Variants in ACOX2 observed in about 807,000 individuals in gnomAD.
ACOX2 encodes acyl-CoA oxidase 2, also known as peroxisomal acyl-coenzyme A oxidase 2.
ACOX2 carries 59 observed loss-of-function variants against 77.5 expected under a neutral mutation model. The ratio of observed to expected loss-of-function variants is 0.76; its 90% CI spans 0.62 to 0.95. ACOX2 has a LOEUF of 0.95. ACOX2 is among the 40% of genes least tolerant of loss of function. ACOX2 has a pLI of 0.00. For missense variants in ACOX2, 837 were observed against 880.4 expected (o/e 0.95, Z 0.62); for synonymous variants, 317 against 340.1 (o/e 0.93, Z 0.75).
chr3:58,534,850 G>A lies in ACOX2; in HGVS notation c.160+97C>T. 1 of 1,562,600 alleles carries A rather than the reference G, an allele frequency of 6.4e-7. No individual in the cohort carries two copies. The highest frequency in any genetic ancestry group is 2.2e-5 in the East Asian group (1 of 44,470). On this transcript the variant is annotated intron_variant, in intron 2 of 14. Coordinates refer to ENST00000302819, the MANE Select transcript of ACOX2 (RefSeq NM_003500.4). The surrounding 1 kb of genome is among the most constrained non-coding windows in gnomAD (Gnocchi z 4.8). ...CTAACAGTGGAATTTCAAGGGCAAA[G>A]TTTGTTATTTGGAAGCAGAACTGCT... is the stretch of plus-strand genomic sequence containing the variant.
Position 58,526,381 on chromosome 3 carries a change from G to T in ACOX2, c.1346+85C>A. 1 of 1,424,148 alleles carries T rather than the reference G, an allele frequency of 7.0e-7. No individual in the cohort carries two copies. The highest frequency in any genetic ancestry group is 2.6e-5 in the Admixed American group (1 of 37,902). The allele number at this position is 1,424,148 out of a possible 1,614,324, so 88.2% of individuals were successfully genotyped here. ...CTTCGCAAAGCCTGCTCTTTTTATG[G>T]GCCTCAGACGGAACCCTCCACCCAA... On this transcript the variant is annotated intron_variant, in intron 10 of 14. Coordinates refer to ENST00000302819, the MANE Select transcript of ACOX2 (RefSeq NM_003500.4). This position sits in a 1 kb window ranked among gnomAD's most constrained non-coding sequence, Gnocchi z 4.3.
intron 7 of ACOX2, 148 bp from the exon 8 acceptor site, chr3:58,530,786 T>G: frequency 9.4e-7 from 1 of 1,061,858 alleles, no homozygotes; most frequent in Non-Finnish European, 1.4e-6. Context: ...ACCAGGCCAT[T>G]TCCCCAAGTG....
rs899291654 is a variant in ACOX2, at chr3:58,521,612, C to A, written c.1632+884G>T. 6.6e-6 allele frequency among the ~76,000 whole-genome samples: 1 copy of A among 152,214 alleles called. No individual in the cohort carries two copies. Among genetic ancestry groups the A allele is most frequent in the African/African-American group, 2.4e-5 (1 of 41,452 alleles). On this transcript the variant is annotated intron_variant, in intron 12 of 14. Transcript: ENST00000302819. The surrounding 1 kb of genome is among the most constrained non-coding windows in gnomAD (Gnocchi z 4.8). ...TTGCTCCCTTTCATTCCATCCTGGG[C>A]AACCTGCATGATTCTTCTAGAATGA...
rs1456712979 is a variant in ACOX2 at position 58,522,629 on chromosome 3, C to T, written c.1527-28G>A. ...GAAAGCCAAAGCAAAAAAGGTTCAG[C>T]TTCCTGACTGAGTGGAAAAGACAAC... On this transcript the variant is annotated intron_variant, in intron 11 of 14. Transcript: ENST00000302819. This position sits in a 1 kb window ranked among gnomAD's most constrained non-coding sequence, Gnocchi z 4.3. 3 of 1,604,980 alleles carry T rather than the reference C, an allele frequency of 1.9e-6. No homozygotes were observed. Among genetic ancestry groups the T allele is most frequent in the Admixed American group, 1.7e-5 (1 of 60,002 alleles).
chr3:58,518,596 G>A (rs1029854655), intron 12 of ACOX2, among the ~76,000 whole-genome samples: 3 of 152,178 alleles, frequency 2.0e-5, no homozygotes, highest in African/African-American at 7.2e-5. Context: ...AGTTCTATAA[G>A]GGAGAGCAAG....
chr3:58,529,674 C>G (rs1459540313), intron 8 of ACOX2, among the ~76,000 whole-genome samples: 2 of 152,226 alleles, frequency 1.3e-5, no homozygotes, highest in African/African-American at 2.4e-5. Flanking sequence ...CCAGAGAACT[C>G]TTGCAGCCCA....
In ACOX2 at chr3:58,535,090, T is replaced by G; in HGVS notation, c.17A>C (p.His6Pro). ...CCAGGTATCCCCCAATGACACTCGG[T>G]GCACTGGGCTGCCCATCCTATCCTG... MGSPVHRVSLGDTWSR... is the reference protein window; with the variant it reads MGSPVPRVSLGDTWSR... Residue 6 changes from histidine to proline, a missense_variant, in exon 2 of 15, where the codon CAC becomes CCC. Transcript: ENST00000302819. The surrounding 1 kb of genome is among the most constrained non-coding windows in gnomAD (Gnocchi z 4.8). The G allele has an allele frequency of 6.2e-7, 1 of 1,614,206 alleles. No individual in the cohort carries two copies. Among genetic ancestry groups the G allele is most frequent in the Non-Finnish European group, 8.5e-7 (1 of 1,180,036 alleles).
chr3:58,509,083 G>T lies in ACOX2; in HGVS notation c.1851-58C>A, dbSNP rs2063256598. On this transcript the variant is annotated intron_variant, in intron 13 of 14. Transcript: ENST00000302819. ...TAGATTGCTCTTATGAATCAAACTAGTCTTGGATGGTGAATAACAATACCT... is the reference window on the plus strand; with the variant it reads ...TAGATTGCTCTTATGAATCAAACTATTCTTGGATGGTGAATAACAATACCT... 4 of 1,562,426 alleles carry T rather than the reference G, an allele frequency of 2.6e-6. No homozygotes were observed. In the South Asian group the frequency reaches 4.5e-5, roughly 17 times the overall value.
intron 8 of ACOX2, among the ~76,000 whole-genome samples, chr3:58,530,074 C>T (rs1410594786): frequency 1.3e-5 from 2 of 152,242 alleles, no homozygotes. Context: ...CTCAGCCAGC[C>T]ATAGTCTGAT....
chr3:58,530,187 G>A (rs1378398430), intron 8 of ACOX2, among the ~76,000 whole-genome samples: 1 of 152,272 alleles, frequency 6.6e-6, no homozygotes, highest in Non-Finnish European at 1.5e-5. Flanking sequence ...TGGTGCTACA[G>A]GGCCAAAGAC....
In ACOX2 at chr3:58,522,322, TG is replaced by T. The variant is rs2063364168; in HGVS notation, c.1632+173del. Among the ~76,000 whole-genome samples, 1 of 152,242 alleles carries T rather than the reference TG, an allele frequency of 6.6e-6. No individual in the cohort carries two copies. The highest frequency in any genetic ancestry group is 6.5e-5 in the Admixed American group (1 of 15,280). ...CTAAGAGCTGCCAGCAAGATTGCTT[TG>T]GAGTTAAGTCCTTTAATTAAAATAC... On this transcript the variant is annotated intron_variant, in intron 12 of 14. Coordinates refer to ENST00000302819, the MANE Select transcript of ACOX2 (RefSeq NM_003500.4). This position sits in a 1 kb window ranked among gnomAD's most constrained non-coding sequence, Gnocchi z 4.3.
At position 58,512,089 on chromosome 3, in the gene ACOX2, T is replaced by C. The variant is rs1446384236; in HGVS notation, c.1851-3064A>G. On this transcript the variant is annotated intron_variant, in intron 13 of 14. Transcript: ENST00000302819. The surrounding 1 kb of genome is among the most constrained non-coding windows in gnomAD (Gnocchi z 4.8). ...CTGCTTACCAACATCTGTACTTGGA[T>C]TTCTGATAGGCTCTTCAAAAGTAAT... is the stretch of plus-strand genomic sequence containing the variant. 1.3e-5 allele frequency among the ~76,000 whole-genome samples: 2 copies of C among 152,330 alleles called. No individual in the cohort carries two copies. Among genetic ancestry groups the C allele is most frequent in the East Asian group, 3.9e-4 (2 of 5,194 alleles).
chr3:58,528,662 G>A lies in ACOX2; in HGVS notation c.1155+132C>T. 2 of 1,213,978 alleles carry A rather than the reference G, an allele frequency of 1.6e-6. No individual in the cohort carries two copies. The highest frequency in any genetic ancestry group is 2.2e-6 in the Non-Finnish European group (2 of 905,168). 75.2% of individuals were successfully genotyped at this position (1,213,978 alleles called of 1,614,324 possible). The stretch of plus-strand genomic sequence containing the variant: ...GGGTGCCGTTCACCCAGACGCCCTG[G>A]GATGCTGAAAGCTGGGAGAGGTGGG... On this transcript the variant is annotated intron_variant, in intron 9 of 14. Transcript: ENST00000302819. The surrounding 1 kb of genome is among the most constrained non-coding windows in gnomAD (Gnocchi z 5.6).
At chr3:58,517,786 A>G (rs534867489) in intron 12 of ACOX2, among the ~76,000 whole-genome samples, 1 of 152,136 alleles carries the variant, frequency 6.6e-6, no homozygotes, top group African/African-American at 2.4e-5. Context: ...GAAATTAGCT[A>G]TTTTAAGGCT....
chr3:58,533,160 G>A lies in ACOX2; in HGVS notation c.583+285C>T, dbSNP rs1036544044. Among the ~76,000 whole-genome samples, 6 of 152,030 alleles carry A rather than the reference G, an allele frequency of 3.9e-5. No individual in the cohort carries two copies. Among genetic ancestry groups the A allele is most frequent in the Non-Finnish European group, 7.4e-5 (5 of 67,970 alleles). ...CTAGACCAAGTGTGTGTGTTTGTGC[G>A]TGTGTGTGTGAGTGAGGCCTTGTCT... On this transcript the variant is annotated intron_variant, in intron 5 of 14. Transcript: ENST00000302819. This position sits in a 1 kb window ranked among gnomAD's most constrained non-coding sequence, Gnocchi z 5.6.
In ACOX2 at chr3:58,505,212, C is replaced by A. The variant is rs2063225419; in HGVS notation, c.*12G>T. On this transcript the variant is annotated 3_prime_UTR_variant, in exon 15 of 15. Coordinates refer to ENST00000302819, the MANE Select transcript of ACOX2 (RefSeq NM_003500.4). This position sits in a 1 kb window ranked among gnomAD's most constrained non-coding sequence, Gnocchi z 4.4. ...GATGGTGCTGGTTGCTTCTTGAATA[C>A]TGTTGGTTATTTCATAGCTTGGATC... The A allele has an allele frequency of 6.2e-7, 1 of 1,610,092 alleles. No homozygotes were observed. Among genetic ancestry groups the A allele is most frequent in the East Asian group, 2.2e-5 (1 of 44,764 alleles).
chr3:58,526,828 C>T lies in ACOX2; in HGVS notation c.1156-172G>A. On this transcript the variant is annotated intron_variant, in intron 9 of 14. Coordinates refer to ENST00000302819, the MANE Select transcript of ACOX2 (RefSeq NM_003500.4). This position sits in a 1 kb window ranked among gnomAD's most constrained non-coding sequence, Gnocchi z 4.3. The stretch of plus-strand genomic sequence containing the variant: ...GAAGGCGGGTACTCAGCTTATGTGA[C>T]TCACCCAGAGGCACACAATTAGGCA... The T allele has an allele frequency of 2.9e-6, 2 of 685,234 alleles. No homozygotes were observed. Among genetic ancestry groups the T allele is most frequent in the Non-Finnish European group, 4.8e-6 (2 of 418,278 alleles). The allele number at this position is 685,234 out of a possible 1,614,324, so 42.4% of individuals were successfully genotyped here. A position where few individuals can be genotyped will look rare whatever the true frequency, so the allele number is the denominator to read the frequency against.
chr3:58,533,368 CAA>C lies in ACOX2; in HGVS notation c.583+75_583+76del. 7.3e-7 allele frequency: 1 copy of C among 1,376,016 alleles called. No individual in the cohort carries two copies. Among genetic ancestry groups the C allele is most frequent in the Non-Finnish European group, 1.0e-6 (1 of 977,638 alleles). The allele number at this position is 1,376,016 out of a possible 1,614,324, so 85.2% of individuals were successfully genotyped here. ...AATCAATCTGAGGTCTGTTGGACCTCAAAGCCAGTGCTACTCTGCCCTCCAAC... is the reference window on the plus strand; with the variant it reads ...AATCAATCTGAGGTCTGTTGGACCTCAGCCAGTGCTACTCTGCCCTCCAAC... On this transcript the variant is annotated intron_variant, in intron 5 of 14. Transcript: ENST00000302819. This position sits in a 1 kb window ranked among gnomAD's most constrained non-coding sequence, Gnocchi z 5.6.
Position 58,517,229 on chromosome 3 carries a change from G to C in ACOX2, c.1827C>G (p.Tyr609Ter). The C allele has an allele frequency of 6.2e-7, 1 of 1,614,092 alleles. No homozygotes were observed. Among genetic ancestry groups the C allele is most frequent in the Non-Finnish European group, 8.5e-7 (1 of 1,180,020 alleles). The part of the protein sequence containing the change: ...GAQVDMARTA[Y>*]LDLLRLIRKD... The stretch of plus-strand genomic sequence containing the variant: ...ACCGGATCAGGCGGAGCAGGTCCAG[G>C]TAGGCTGTTCTTGCCATGTCCACTT... Residue 609 changes from tyrosine (Y) to a stop codon, truncating the protein, a stop_gained, in exon 13 of 15, where the codon TAC becomes TAG. Transcript: ENST00000302819. LOFTEE classifies it high-confidence loss of function.
Sources: allele counts gnomAD v4.1 joint callset (sites outside exome capture counted in the v4.1 genomes callset), GRCh38; gene constraint gnomAD v4.1.1; non-coding constraint Gnocchi (gnomAD v3.1); transcripts MANE v1.5; gene names NCBI Gene and HGNC (gene_info 2026-07-23, HGNC 2026-07-21).